REXO1: variants seen among roughly 807,000 people sequenced by gnomAD.
REXO1 encodes RNA exonuclease 1 homolog.
REXO1 carries 42 observed loss-of-function variants against 102.6 expected under a neutral mutation model. The ratio of observed to expected loss-of-function variants is 0.41; its 90% CI spans 0.32 to 0.53. The LOEUF is 0.53. Among genes scored for constraint, REXO1 ranks in the 20% least tolerant of loss-of-function variants. REXO1 has a pLI of 0.27. For missense variants in REXO1, 1,819 were observed against 1,732.5 expected, an observed-to-expected ratio of 1.05 and a Z score of -0.89; for synonymous variants, 908 against 779.1, an observed-to-expected ratio of 1.17 and a Z score of -2.76.
Position 1,816,047 on chromosome 19 carries a change from G to C in REXO1, c.*19C>G, listed in dbSNP as rs756040782. 1.3e-6 allele frequency: 2 copies of C among 1,540,590 alleles called. No homozygotes were observed. Among genetic ancestry groups the C allele is most frequent in the Non-Finnish European group, 8.7e-7 (1 of 1,147,062 alleles). On this transcript the variant is annotated 3_prime_UTR_variant, in exon 16 of 16. Transcript: ENST00000170168. ...GACCAGCGGGACGGCAGGAGAGGCG[G>C]GTGGGAGGCGGGCAGGCGTCATCGC... is the stretch of plus-strand genomic sequence containing the variant.
intron 2 of REXO1, 30 bp from the exon 3 acceptor site, chr19:1,825,973 G>C: frequency 6.5e-7 from 1 of 1,534,146 alleles, no homozygotes; most frequent in African/African-American, 1.4e-5. Flanking sequence ...GTCAGCACAG[G>C]TCTGCCCTCG....
chr19:1,845,999 T>C (rs781447243), intron 1 of REXO1, among the ~76,000 whole-genome samples: 17 of 152,206 alleles, frequency 1.1e-4, no homozygotes, highest in Non-Finnish European at 2.4e-4. Flanking sequence ...AGGGTCACCA[T>C]GCAGCGCGTG....
intron 1 of REXO1, among the ~76,000 whole-genome samples, chr19:1,829,135 G>A (rs2145289788): frequency 6.6e-6 from 1 of 152,352 alleles, no homozygotes; most frequent in South Asian, 2.1e-4. Context: ...AGGTGTGCCA[G>A]CAGTGTGCCA....
intron 1 of REXO1, among the ~76,000 whole-genome samples, chr19:1,840,909 C>T (rs934927673): frequency 6.6e-6 from 1 of 152,222 alleles, no homozygotes; most frequent in African/African-American, 2.4e-5. Context: ...GCCCACAGCT[C>T]GTCCCGAGTC....
intron 1 of REXO1, among the ~76,000 whole-genome samples, chr19:1,833,863 G>C (rs1278635553): frequency 6.6e-6 from 1 of 152,244 alleles, no homozygotes; most frequent in East Asian, 1.9e-4. Flanking sequence ...GGAGGTGACA[G>C]AGCACAATTA....
chr19:1,831,976 C>A (rs751850170), intron 1 of REXO1, among the ~76,000 whole-genome samples: 1 of 151,804 alleles, frequency 6.6e-6, no homozygotes, highest in Non-Finnish European at 1.5e-5. Context: ...CCATCCTAAT[C>A]CCTGGGACCT....
In REXO1 at chr19:1,819,103, G is replaced by T; in HGVS notation, c.2679C>A (p.His893Gln). The change falls in exon 8 of 16, where the codon CAC becomes CAA. Residue 893 changes from histidine to glutamine, a missense_variant. Transcript: ENST00000170168. ...CCAACCTGCCCCCCAACACCACCTC[G>T]TGGGACACAACCCTGCGGCCACTGG... ...SKTSGRRVVS[H>Q]EVVLGGRLAA... is the part of the protein sequence containing the mutation. 6.3e-7 allele frequency: 1 copy of T among 1,594,554 alleles called. No individual in the cohort carries two copies. The highest frequency in any genetic ancestry group is 8.6e-7 in the Non-Finnish European group (1 of 1,169,524).
At position 1,848,255 on chromosome 19, in the gene REXO1, C is replaced by T. The variant is rs1427767043; in HGVS notation, c.104G>A (p.Gly35Glu). The change falls in exon 1 of 16, where the codon GGG (glycine) becomes GAG (glutamate). Residue 35 changes from glycine (G) to glutamate (E), a missense_variant. Physicochemically the swap from Gly to Glu is moderately conservative, Grantham distance 98. Coordinates refer to ENST00000170168, the MANE Select transcript of REXO1 (RefSeq NM_020695.4). ...ACCGGGCGCGCCGGAGCCCCGGGCC[C>T]CGCGGTGCCGGAAGTGGCAGTAGGG... The part of the protein sequence containing the change: ...RRPYCHFRHR[G>E]ARGSGAPGDG... 8.1e-7 allele frequency: 1 copy of T among 1,231,122 alleles called. No individual in the cohort carries two copies. Among genetic ancestry groups the T allele is most frequent in the Non-Finnish European group, 1.0e-6 (1 of 982,914 alleles). The allele number at this position is 1,231,122 out of a possible 1,614,324, so 76.3% of individuals were successfully genotyped here.
In REXO1 at chr19:1,819,274, T is replaced by C. The variant is rs2069463815; in HGVS notation, c.2651-143A>G. On this transcript the variant is annotated intron_variant, in intron 7 of 15. Coordinates refer to ENST00000170168, the MANE Select transcript of REXO1 (RefSeq NM_020695.4). ...GGACAGCACCCCACTGACCCCGGGT[T>C]CCAGCCTGACCCGAACAGGAGAGGC... 4 of 639,274 alleles carry C rather than the reference T, an allele frequency of 6.3e-6. No individual in the cohort carries two copies. In the South Asian group the frequency reaches 8.5e-5, roughly 14 times the overall value. 39.6% of individuals were successfully genotyped at this position (639,274 alleles called of 1,614,324 possible).
intron 1 of REXO1, among the ~76,000 whole-genome samples, chr19:1,843,948 C>T (rs2011418906): frequency 6.6e-6 from 1 of 152,248 alleles, no homozygotes; most frequent in South Asian, 2.1e-4. Context: ...CCATTCTTGG[C>T]CTCCTTCTCC....
chr19:1,821,407 G>A (rs1200806859), intron 5 of REXO1, 112 bp downstream of exon 5: 2 of 1,274,080 alleles, frequency 1.6e-6, no homozygotes, highest in African/African-American at 1.5e-5. Flanking sequence ...GCGGTGTGGA[G>A]CACGAAGGCC....
At position 1,848,405 on chromosome 19, in the gene REXO1, G is replaced by A. The variant is rs1056566665; in HGVS notation, c.-47C>T. 12 of 1,170,582 alleles carry A rather than the reference G, an allele frequency of 1.0e-5. No homozygotes were observed. In the East Asian group the frequency reaches 2.8e-4, roughly 27 times the overall value. The allele number at this position is 1,170,582 out of a possible 1,614,324, so 72.5% of individuals were successfully genotyped here. ...CCGGCCCGGAGCCGCCCGGGCCCCA[G>A]GGCCCCCTCACTGGCGCCGCGGTCG... On this transcript the variant is annotated 5_prime_UTR_variant, in exon 1 of 16. Transcript: ENST00000170168.
chr19:1,823,995 T>G, intron 3 of REXO1: 1 of 394,722 alleles, frequency 2.5e-6, no homozygotes, highest in Non-Finnish European at 4.5e-6. Flanking sequence ...CCACTCCCAG[T>G]GTCTCCCGGT....
intron 1 of REXO1, among the ~76,000 whole-genome samples, chr19:1,845,522 G>A (rs759077016): frequency 2.0e-5 from 3 of 152,136 alleles, no homozygotes; most frequent in Admixed American, 6.5e-5. Flanking sequence ...ACATTAGCGA[G>A]GTGTGATGTC....
chr19:1,845,209 G>A (rs1568722472), intron 1 of REXO1, among the ~76,000 whole-genome samples: 1 of 152,200 alleles, frequency 6.6e-6, no homozygotes, highest in African/African-American at 2.4e-5. Flanking sequence ...AGCGGCCACT[G>A]GGGGGATAGT....
At chr19:1,824,838 C>G (rs929442224) in intron 3 of REXO1, among the ~76,000 whole-genome samples, 1 of 151,982 alleles carries the variant, frequency 6.6e-6, no homozygotes, top group African/African-American at 2.4e-5. Context: ...CAGGCTGGAG[C>G]GCAATGGCAC....
At chr19:1,820,894 G>A (rs1192433676) in intron 5 of REXO1, among the ~76,000 whole-genome samples, 2 of 152,052 alleles carry the variant, frequency 1.3e-5, no homozygotes, top group Non-Finnish European at 2.9e-5. Flanking sequence ...AGCTACTCAG[G>A]AGGCTGAGGT....
intron 10 of REXO1, among the ~76,000 whole-genome samples, chr19:1,818,101 G>A (rs930511894): frequency 6.6e-6 from 1 of 152,206 alleles, no homozygotes; most frequent in African/African-American, 2.4e-5. Flanking sequence ...CATGTGCCCT[G>A]AGCGTGGCTG....
intron 1 of REXO1, among the ~76,000 whole-genome samples, chr19:1,838,333 A>C (rs1390651078): frequency 1.3e-5 from 2 of 151,434 alleles, no homozygotes; most frequent in Non-Finnish European, 2.9e-5. Flanking sequence ...AAAAAAAAAA[A>C]ACCAGCTGGG....
Sources: allele counts gnomAD v4.1 joint callset (sites outside exome capture counted in the v4.1 genomes callset), GRCh38; gene constraint gnomAD v4.1.1; transcripts MANE v1.5; gene names NCBI Gene and HGNC (gene_info 2026-07-23, HGNC 2026-07-21).